Variants in IGFL2 observed in about 807,000 individuals in gnomAD.
IGFL2 encodes the protein insulin growth factor-like family member 2.
A neutral mutation model predicts 13.9 loss-of-function variants in IGFL2; 7 were observed. The observed-to-expected ratio is 0.51, with a 90% CI of 0.29 to 0.95. The LOEUF is 0.95. IGFL2 is among the 40% of genes least tolerant of loss of function. The pLI is 0.08. For missense variants in IGFL2, 138 were observed against 147.8 expected (o/e 0.93, Z 0.34); for synonymous variants, 55 against 55.8 (o/e 0.99, Z 0.07).
At chr19:46,111,097 T>C in the IGFL2 span, 1 of 152,502 alleles carries the variant, frequency 6.6e-6, no homozygotes, top group African/African-American at 2.4e-5. Context: ...GTACCGTCTT[T>C]TGCAGTACTT....
the IGFL2 span, among the ~76,000 whole-genome samples, chr19:46,133,370 C>T: frequency 1.1e-4 from 16 of 152,314 alleles, no homozygotes; most frequent in East Asian, 2.1e-3. Flanking sequence ...TGATATGCCA[C>T]CCTACTGCTG....
At chr19:46,169,897 T>C in the IGFL2 span, among the ~76,000 whole-genome samples, 1 of 151,058 alleles carries the variant, frequency 6.6e-6, no homozygotes, top group African/African-American at 2.4e-5. Flanking sequence ...ATTGCCAGAA[T>C]TTAATCTTTT....
the IGFL2 span, among the ~76,000 whole-genome samples, chr19:46,205,782 T>C: frequency 2.6e-5 from 4 of 152,084 alleles, no homozygotes; most frequent in African/African-American, 9.7e-5. Flanking sequence ...AGAAGAAGGA[T>C]TGAGGCTTGG....
chr19:46,081,274 CTT>C, the IGFL2 span, among the ~76,000 whole-genome samples: 5 of 152,302 alleles, frequency 3.3e-5, no homozygotes, highest in South Asian at 4.1e-4. Flanking sequence ...TATTGTCTAA[CTT>C]ATTACTTTAA....
the IGFL2 span, chr19:46,137,371 T>C: frequency 1.8e-6 from 2 of 1,103,608 alleles, no homozygotes; most frequent in Non-Finnish European, 1.4e-6. Context: ...AGACCTGTAG[T>C]GTAGACAGAT....
the IGFL2 span, among the ~76,000 whole-genome samples, chr19:46,175,193 C>T: frequency 2.0e-5 from 3 of 152,092 alleles, no homozygotes; most frequent in African/African-American, 7.2e-5. Flanking sequence ...CAAAATATTA[C>T]CCTAATTTTC....
the IGFL2 span, chr19:46,120,267 C>T: frequency 1.6e-5 from 25 of 1,605,616 alleles, 1 homozygote; most frequent in Admixed American, 1.5e-4. Context: ...CTGTAGTCTC[C>T]GATGTCCAGC....
chr19:46,110,625 A>G, the IGFL2 span, among the ~76,000 whole-genome samples: 489 of 152,356 alleles, frequency 3.2e-3, 1 homozygote, highest in African/African-American at 0.011. Flanking sequence ...ATAAAAATAC[A>G]ACTTTTTTGC....
At chr19:46,166,308 T>C in the IGFL2 span, among the ~76,000 whole-genome samples, 4 of 152,206 alleles carry the variant, frequency 2.6e-5, no homozygotes, top group South Asian at 8.3e-4. Context: ...ATTGGTAGGA[T>C]CCTTGATGCC....
chr19:46,111,463 GGTA>G, the IGFL2 span: 1 of 152,182 alleles, frequency 6.6e-6, no homozygotes, highest in Admixed American at 6.5e-5. Context: ...AACACTGAGA[GGTA>G]TTCATATGGC....
the IGFL2 span, among the ~76,000 whole-genome samples, chr19:46,098,300 T>A: frequency 6.6e-6 from 1 of 152,184 alleles, no homozygotes; most frequent in Admixed American, 6.5e-5. Flanking sequence ...TAAAGTCTGT[T>A]TTGTCAGAAA....
the IGFL2 span, chr19:46,208,681 G>C: frequency 6.6e-6 from 1 of 152,130 alleles, no homozygotes; most frequent in Non-Finnish European, 1.5e-5. Flanking sequence ...TAGTGGGGGA[G>C]TTCTCAGGAG....
intron 1 of IGFL2, chr19:46,149,060 G>C (rs1328672989): frequency 6.3e-7 from 1 of 1,581,622 alleles, no homozygotes; most frequent in Non-Finnish European, 8.6e-7. Context: ...AGCCCAGGCA[G>C]TGGACTGAGT....
the IGFL2 span, among the ~76,000 whole-genome samples, chr19:46,079,933 G>A: frequency 6.6e-6 from 1 of 152,082 alleles, no homozygotes; most frequent in Admixed American, 6.5e-5. Flanking sequence ...CTCTCCTTGA[G>A]CCCTAAACAC....
At chr19:46,129,702 T>A in the IGFL2 span, among the ~76,000 whole-genome samples, 10 of 152,194 alleles carry the variant, frequency 6.6e-5, no homozygotes, top group Admixed American at 6.5e-4. Flanking sequence ...ATTTCTAATT[T>A]GATTGTGCTA....
At chr19:46,177,645 T>C in the IGFL2 span, among the ~76,000 whole-genome samples, 1 of 152,030 alleles carries the variant, frequency 6.6e-6, no homozygotes, top group East Asian at 1.9e-4. Flanking sequence ...CCAAATCCCT[T>C]TGGAGAGTCC....
At chr19:46,083,460 A>G in the IGFL2 span, among the ~76,000 whole-genome samples, 1 of 152,224 alleles carries the variant, frequency 6.6e-6, no homozygotes, top group African/African-American at 2.4e-5. Flanking sequence ...TATGTATGCA[A>G]ATGTGTAGAA....
chr19:46,138,743 A>T (rs78317402), upstream of IGFL2, among the ~76,000 whole-genome samples: 78 of 152,256 alleles, frequency 5.1e-4, 1 homozygote, highest in East Asian at 0.015. Flanking sequence ...CTGCAAACAG[A>T]TGTGGCGGGT....
At chr19:46,146,813 T>C (rs754148863), upstream of IGFL2, among the ~76,000 whole-genome samples, 4 of 152,164 alleles carry the variant, frequency 2.6e-5, no homozygotes, top group Non-Finnish European at 5.9e-5. Flanking sequence ...AATTCACTTA[T>C]CAGGTCCAGA....
Sources: gnomAD v4.1 joint callset for allele counts (sites outside exome capture counted in the v4.1 genomes callset) on GRCh38, gnomAD v4.1.1 for gene constraint, MANE v1.5 for transcripts, NCBI Gene and HGNC (gene_info 2026-07-23, HGNC 2026-07-21) for gene names.